Variants in ZNF804B observed in about 807,000 individuals in gnomAD.
The protein encoded by ZNF804B is zinc finger protein 804B.
ZNF804B carries 80 observed loss-of-function variants against 101.4 expected under a neutral mutation model. The observed-to-expected ratio is 0.79, with a 90% CI of 0.66 to 0.95. The LOEUF (loss-of-function observed/expected upper bound fraction) is 0.95. Among genes scored for constraint, ZNF804B ranks in the 40% least tolerant of loss-of-function variants. The pLI, the probability that ZNF804B is intolerant of heterozygous loss-of-function variation, is 0.00. For missense variants in ZNF804B, 1,673 were observed against 1,561.9 expected (o/e 1.07, Z -1.20); for synonymous variants, 622 against 558.8 (o/e 1.11, Z -1.59).
chr7:89,154,104 T>A (rs905878478), intron 1 of ZNF804B, among the ~76,000 whole-genome samples: 4 of 152,090 alleles, frequency 2.6e-5, no homozygotes, highest in African/African-American at 9.7e-5. Flanking sequence ...AAAGAAGACA[T>A]ACAAATGGCA....
At chr7:89,164,135 C>G (rs1339991245) in intron 1 of ZNF804B, among the ~76,000 whole-genome samples, 1 of 151,776 alleles carries the variant, frequency 6.6e-6, no homozygotes, top group East Asian at 1.9e-4. Flanking sequence ...TTTGATAACA[C>G]TACATATTCT....
chr7:89,187,279 GA>G (rs1388469923), intron 1 of ZNF804B, among the ~76,000 whole-genome samples: 1 of 152,070 alleles, frequency 6.6e-6, no homozygotes, highest in Non-Finnish European at 1.5e-5. Flanking sequence ...TCATTTAAAT[GA>G]AAGAGAATAT....
intron 2 of ZNF804B, among the ~76,000 whole-genome samples, chr7:89,252,575 A>G (rs1056798013): frequency 2.0e-5 from 3 of 152,206 alleles, no homozygotes; most frequent in Non-Finnish European, 2.9e-5. Context: ...AAATAGACAC[A>G]TGCACCCATT....
chr7:89,105,675 C>T (rs1790126399), intron 1 of ZNF804B, among the ~76,000 whole-genome samples: 1 of 152,134 alleles, frequency 6.6e-6, no homozygotes. Context: ...TCGTCTCACA[C>T]AGCAAGCAAC....
At chr7:89,103,527 G>T (rs1233142208) in intron 1 of ZNF804B, among the ~76,000 whole-genome samples, 2 of 151,476 alleles carry the variant, frequency 1.3e-5, no homozygotes, top group South Asian at 4.2e-4. Context: ...TTCTTGATTT[G>T]GTTTTCACCT....
intron 1 of ZNF804B, among the ~76,000 whole-genome samples, chr7:89,173,711 TTCTG>T (rs745685252): frequency 1.1e-4 from 16 of 151,992 alleles, no homozygotes; most frequent in Non-Finnish European, 1.9e-4. Flanking sequence ...GTTATCTGTC[TTCTG>T]TCTATCCATC....
chr7:89,020,681 G>C (rs1278634642), intron 1 of ZNF804B, among the ~76,000 whole-genome samples: 1 of 151,998 alleles, frequency 6.6e-6, no homozygotes, highest in Non-Finnish European at 1.5e-5. Flanking sequence ...TCTTGTTTAG[G>C]AATTCCCATA....
At chr7:89,096,596 T>C (rs775545620) in intron 1 of ZNF804B, among the ~76,000 whole-genome samples, 4 of 152,188 alleles carry the variant, frequency 2.6e-5, no homozygotes, top group Admixed American at 6.5e-5. Flanking sequence ...ATAGATGTTT[T>C]TCCCAGTTCC....
chr7:89,229,608 A>G (rs910277401), intron 2 of ZNF804B, among the ~76,000 whole-genome samples: 2 of 152,218 alleles, frequency 1.3e-5, no homozygotes, highest in Admixed American at 6.5e-5. Context: ...TGAATCCACT[A>G]TTTTACTTGG....
At chr7:88,792,553 G>A (rs754768623) in intron 1 of ZNF804B, among the ~76,000 whole-genome samples, 10 of 151,916 alleles carry the variant, frequency 6.6e-5, no homozygotes, top group Non-Finnish European at 1.0e-4. Context: ...TTTGTTGAAC[G>A]TTTTCTCTAT....
At chr7:88,965,081 C>T (rs919245127) in intron 1 of ZNF804B, among the ~76,000 whole-genome samples, 1 of 151,300 alleles carries the variant, frequency 6.6e-6, no homozygotes, top group Non-Finnish European at 1.5e-5. Flanking sequence ...AACATTTGAA[C>T]TCTTAAATAT....
chr7:89,119,175 G>A (rs1362473283), intron 1 of ZNF804B, among the ~76,000 whole-genome samples: 1 of 152,118 alleles, frequency 6.6e-6, no homozygotes, highest in Non-Finnish European at 1.5e-5. Flanking sequence ...GTCATCTTTA[G>A]TATCATTAAT....
chr7:89,210,347 T>G (rs751576981), intron 1 of ZNF804B, among the ~76,000 whole-genome samples: 41 of 152,126 alleles, frequency 2.7e-4, no homozygotes, highest in Non-Finnish European at 4.9e-4. Context: ...ATTTTTATTT[T>G]TATTTTACGT....
intron 1 of ZNF804B, among the ~76,000 whole-genome samples, chr7:88,955,962 A>G (rs941793145): frequency 6.6e-6 from 1 of 151,730 alleles, no homozygotes; most frequent in Non-Finnish European, 1.5e-5. Flanking sequence ...AGATATACAC[A>G]TGGCAAACAG....
At chr7:88,963,770 A>G (rs910917634) in intron 1 of ZNF804B, among the ~76,000 whole-genome samples, 1 of 151,388 alleles carries the variant, frequency 6.6e-6, no homozygotes, top group Non-Finnish European at 1.5e-5. Context: ...GTATCTGTAA[A>G]TCATATACCT....
chr7:89,094,141 C>T (rs1789936351), intron 1 of ZNF804B, among the ~76,000 whole-genome samples: 1 of 152,146 alleles, frequency 6.6e-6, no homozygotes, highest in South Asian at 2.1e-4. Flanking sequence ...TTATTGCAAG[C>T]TATTGAATTG....
At chr7:88,793,027 C>A (rs1348216829) in intron 1 of ZNF804B, among the ~76,000 whole-genome samples, 1 of 151,350 alleles carries the variant, frequency 6.6e-6, no homozygotes, top group African/African-American at 2.4e-5. Context: ...ATTGGTTTGT[C>A]CTCAAAGAAG....
intron 1 of ZNF804B, among the ~76,000 whole-genome samples, chr7:88,775,031 G>C (rs903440308): frequency 6.6e-6 from 1 of 152,194 alleles, no homozygotes; most frequent in Admixed American, 6.5e-5. Flanking sequence ...CGGTGATAGT[G>C]AAGTCAACAC....
At chr7:89,238,716 ATGTC>A (rs35853550) in intron 2 of ZNF804B, among the ~76,000 whole-genome samples, 36,066 of 151,970 alleles carry the variant, frequency 0.24, 4,480 homozygotes, top group Non-Finnish European at 0.27. Flanking sequence ...AGTTAATACA[ATGTC>A]TGCCTTATTC....
Sources: gnomAD v4.1 joint callset for allele counts (sites outside exome capture counted in the v4.1 genomes callset) on GRCh38, gnomAD v4.1.1 for gene constraint, MANE v1.5 for transcripts, NCBI Gene and HGNC (gene_info 2026-07-23, HGNC 2026-07-21) for gene names.